The following LRP1B variants were observed in gnomAD, a reference collection of about 807,000 sequenced individuals.
The protein encoded by LRP1B is LDL receptor related protein 1B.
A neutral mutation model predicts 556.6 loss-of-function variants in LRP1B; 217 were observed. The observed-to-expected ratio is 0.39, with a 90% CI of 0.35 to 0.44. The LOEUF (loss-of-function observed/expected upper bound fraction) is 0.44. Ranked by LOEUF, LRP1B falls within the 20% of genes least tolerant of loss-of-function variation. The probability of loss-of-function intolerance (pLI) is 1.00; values close to 1 mark genes in which losing one functional copy is unlikely to be tolerated. For synonymous variants in LRP1B, 2,047 were observed against 1,865.8 expected, an observed-to-expected ratio of 1.10 and a Z score of -2.50; for missense variants, 5,053 against 5,620.8, an observed-to-expected ratio of 0.90 and a Z score of 3.23.
intron 2 of LRP1B, among the ~76,000 whole-genome samples, chr2:141,582,012 G>C (rs888967236): frequency 6.6e-6 from 1 of 152,200 alleles, no homozygotes; most frequent in African/African-American, 2.4e-5. Flanking sequence ...ATTCAAAAGA[G>C]TAATGTCAAA....
At chr2:141,808,995 C>T (rs1696253030) in intron 2 of LRP1B, among the ~76,000 whole-genome samples, 1 of 151,978 alleles carries the variant, frequency 6.6e-6, no homozygotes, top group Non-Finnish European at 1.5e-5. Context: ...TAGAATTTTT[C>T]CTATGAACCT....
intron 1 of LRP1B, among the ~76,000 whole-genome samples, chr2:142,021,115 T>C (rs1232543898): frequency 6.6e-6 from 1 of 152,182 alleles, no homozygotes; most frequent in African/African-American, 2.4e-5. Context: ...ACATATGTTC[T>C]CCCTTACAAA....
At chr2:141,313,094 G>A (rs1686873708) in intron 3 of LRP1B, among the ~76,000 whole-genome samples, 1 of 152,116 alleles carries the variant, frequency 6.6e-6, no homozygotes, top group Admixed American at 6.6e-5. Context: ...CCGACACACA[G>A]TAGAGTTTAA....
intron 62 of LRP1B, among the ~76,000 whole-genome samples, chr2:140,454,431 G>A (rs938395520): frequency 6.6e-6 from 1 of 152,104 alleles, no homozygotes; most frequent in Non-Finnish European, 1.5e-5. Flanking sequence ...GATTACAGGC[G>A]TGAGCTACCG....
intron 82 of LRP1B, among the ~76,000 whole-genome samples, chr2:140,316,172 T>C (rs530762152): frequency 6.6e-6 from 1 of 152,276 alleles, no homozygotes; most frequent in African/African-American, 2.4e-5. Context: ...ACATAGAGTG[T>C]TCAATGGAAC....
chr2:140,941,710 C>A (rs1011743467), intron 20 of LRP1B, among the ~76,000 whole-genome samples: 2 of 152,088 alleles, frequency 1.3e-5, no homozygotes, highest in African/African-American at 4.8e-5. Flanking sequence ...AAAGCACCTG[C>A]AAATGAAGCC....
At chr2:141,467,616 A>T (rs1342135440) in intron 3 of LRP1B, among the ~76,000 whole-genome samples, 1 of 152,006 alleles carries the variant, frequency 6.6e-6, no homozygotes, top group Non-Finnish European at 1.5e-5. Flanking sequence ...TTATCCAACA[A>T]GTCTATTTTG....
chr2:140,768,655 C>T (rs1368368735), intron 35 of LRP1B, among the ~76,000 whole-genome samples: 1 of 151,936 alleles, frequency 6.6e-6, no homozygotes, highest in African/African-American at 2.4e-5. Context: ...TTAGTGTCCG[C>T]TTTGCTTCCT....
rs1021874630 is a variant in LRP1B at position 141,194,796 on chromosome 2, G to A, written c.851-6213C>T. The stretch of plus-strand genomic sequence containing the variant: ...TACCAAGACTCCAAAATGGTGAGGC[G>A]ATTAAATCAGGTAACAAATATTAAA... On this transcript the variant is annotated intron_variant, in intron 6 of 90. Coordinates refer to ENST00000389484, the MANE Select transcript of LRP1B (RefSeq NM_018557.3). 3.9e-5 allele frequency among the ~76,000 whole-genome samples: 6 copies of A among 151,958 alleles called. 1 individual carries two copies. Among genetic ancestry groups the A allele is most frequent in the Admixed American group, 3.3e-4 (5 of 15,236 alleles).
intron 3 of LRP1B, among the ~76,000 whole-genome samples, chr2:141,276,926 G>A (rs892637076): frequency 6.6e-6 from 1 of 152,080 alleles, no homozygotes; most frequent in African/African-American, 2.4e-5. Context: ...AGAGTGCTGG[G>A]ATTACAGGCG....
At chr2:140,861,728 T>C (rs928630583) in intron 27 of LRP1B, among the ~76,000 whole-genome samples, 1 of 152,380 alleles carries the variant, frequency 6.6e-6, no homozygotes, top group East Asian at 1.9e-4. Context: ...CGAGGACATA[T>C]GCAAACAAAC....
At chr2:141,361,007 A>G (rs1229164116) in intron 3 of LRP1B, among the ~76,000 whole-genome samples, 1 of 152,198 alleles carries the variant, frequency 6.6e-6, no homozygotes, top group African/African-American at 2.4e-5. Context: ...TTGAATAAAT[A>G]AAGCATGCAA....
intron 2 of LRP1B, among the ~76,000 whole-genome samples, chr2:141,517,649 G>A (rs1309364405): frequency 3.3e-5 from 5 of 152,208 alleles, no homozygotes; most frequent in African/African-American, 4.8e-5. Context: ...ATTGTAACTG[G>A]TGTATTTGTT....
At chr2:141,858,260 T>C (rs1353182170) in intron 1 of LRP1B, among the ~76,000 whole-genome samples, 1 of 152,228 alleles carries the variant, frequency 6.6e-6, no homozygotes, top group East Asian at 1.9e-4. Flanking sequence ...ATTTTTCTGC[T>C]ATCCACACTG....
At chr2:140,680,072 C>T (rs987775352) in intron 41 of LRP1B, among the ~76,000 whole-genome samples, 7 of 152,022 alleles carry the variant, frequency 4.6e-5, no homozygotes, top group African/African-American at 1.2e-4. Flanking sequence ...GGACACCCTA[C>T]GTCTGATCCA....
chr2:140,923,277 T>G, intron 20 of LRP1B, 130 bp from the exon 21 acceptor site: 1 of 622,730 alleles, frequency 1.6e-6, no homozygotes, highest in Non-Finnish European at 2.7e-6. Context: ...CTAGAGAGAA[T>G]ACATTTTTAC....
chr2:141,304,638 C>T (rs1232074176), intron 3 of LRP1B, among the ~76,000 whole-genome samples: 3 of 151,448 alleles, frequency 2.0e-5, no homozygotes, highest in East Asian at 1.9e-4. Context: ...CACCACCACA[C>T]CCAGCTATTG....
At chr2:142,058,134 T>C (rs955690039) in intron 1 of LRP1B, among the ~76,000 whole-genome samples, 2 of 152,152 alleles carry the variant, frequency 1.3e-5, no homozygotes, top group Non-Finnish European at 2.9e-5. Context: ...AAATAATACC[T>C]CCATTATTTT....
At chr2:141,205,353 T>A (rs911316175) in intron 6 of LRP1B, among the ~76,000 whole-genome samples, 5 of 152,196 alleles carry the variant, frequency 3.3e-5, no homozygotes, top group African/African-American at 1.2e-4. Flanking sequence ...ACCTTGACTC[T>A]CCATGTAATT....
Sources: allele counts gnomAD v4.1 joint callset (sites outside exome capture counted in the v4.1 genomes callset), GRCh38; gene constraint gnomAD v4.1.1; transcripts MANE v1.5; gene names NCBI Gene and HGNC (gene_info 2026-07-23, HGNC 2026-07-21).